NLRP4: variants seen among roughly 807,000 people sequenced by gnomAD.
NLRP4 encodes NACHT, LRR and PYD domains-containing protein 4.
NLRP4 carries 44 observed loss-of-function variants against 84.7 expected under a neutral mutation model. That is an observed-to-expected ratio of 0.52 (90% CI 0.41 to 0.67). The LOEUF is 0.67. Ranked by LOEUF, NLRP4 falls within the 30% of genes least tolerant of loss-of-function variation. The pLI is 0.00. For synonymous variants in NLRP4, 544 were observed against 476.4 expected, an observed-to-expected ratio of 1.14 and a Z score of -1.85; for missense variants, 1,260 against 1,219.4, an observed-to-expected ratio of 1.03 and a Z score of -0.50.
intron 7 of NLRP4, 41 bp from the exon 8 acceptor site, chr19:55,876,955 G>A (rs1462625728): frequency 4.5e-6 from 7 of 1,542,724 alleles, no homozygotes; most frequent in Non-Finnish European, 6.2e-6. Flanking sequence ...TTAGACTGAG[G>A]TGTAATAGCC....
At chr19:55,850,003 TG>T (rs1568658359) in intron 1 of NLRP4, among the ~76,000 whole-genome samples, 50 of 37,016 alleles carry the variant, frequency 1.4e-3, no homozygotes, top group Non-Finnish European at 3.2e-3. Context: ...GACTGCGGTG[TG>T]ATTTCCGAGA....
At position 55,850,947 on chromosome 19, in the gene NLRP4, G is replaced by T. The variant is rs1250129660; in HGVS notation, c.-65-1069G>T. 1.3e-4 allele frequency among the ~76,000 whole-genome samples: 11 copies of T among 81,790 alleles called. No homozygotes were observed. In the South Asian group the frequency reaches 2.5e-3, roughly 19 times the overall value. 53.7% of individuals were successfully genotyped at this position (81,790 alleles called of 152,430 possible). ...GTAATGTCCGTGGCTGCGGTGTAAT[G>T]TCCGAGGCTGCGGTGTAATGTCCGT... On this transcript the variant is annotated intron_variant, in intron 1 of 9. Transcript: ENST00000301295.
At chr19:55,841,753 T>C (rs1183132514) in intron 1 of NLRP4, among the ~76,000 whole-genome samples, 2 of 152,038 alleles carry the variant, frequency 1.3e-5, no homozygotes, top group Non-Finnish European at 2.9e-5. Context: ...TAGTACCAGA[T>C]ACTTGGGAAG....
intron 1 of NLRP4, among the ~76,000 whole-genome samples, chr19:55,851,613 TGGCTGCGGTGTAATGTCCGA>T (rs1270790654): frequency 0.044 from 2,426 of 54,754 alleles, 26 homozygotes; most frequent in Admixed American, 0.055. Flanking sequence ...GTAATGTCCG[TGGCTGCGGTGTAATGTCCGA>T]GGCTGCGGTG....
At chr19:55,859,926 CAAAAAAA>C (rs1166037425) in intron 3 of NLRP4, among the ~76,000 whole-genome samples, 37 of 17,498 alleles carry the variant, frequency 2.1e-3, no homozygotes, top group Non-Finnish European at 2.9e-3. Context: ...CTCTCATCTC[CAAAAAAA>C]AAAAAAAAAA....
Position 55,849,184 on chromosome 19 carries a change from C to T in NLRP4, c.-65-2832C>T, listed in dbSNP as rs562238477. ...ATCTAAGCTACTTGGAATTCTTCTTCTTGCTAAAGTTGTTACAGTTTTAGC... is the reference window on the plus strand; with the variant it reads ...ATCTAAGCTACTTGGAATTCTTCTTTTTGCTAAAGTTGTTACAGTTTTAGC... On this transcript the variant is annotated intron_variant, in intron 1 of 9. Transcript: ENST00000301295. 1.2e-4 allele frequency among the ~76,000 whole-genome samples: 18 copies of T among 152,256 alleles called. 1 individual carries two copies. The South Asian group carries it at 3.5e-3, about 30-fold the overall frequency.
chr19:55,860,642 G>C lies in NLRP4; in HGVS notation c.1857-744G>C, dbSNP rs181881347. Among the ~76,000 whole-genome samples the C allele has an allele frequency of 2.0e-5, 3 of 152,052 alleles. No homozygotes were observed. In the South Asian group the frequency reaches 6.2e-4, roughly 32 times the overall value. On this transcript the variant is annotated intron_variant, in intron 3 of 9. Coordinates refer to ENST00000301295, the MANE Select transcript of NLRP4 (RefSeq NM_134444.5). ...TTATCCTGTTACAGGTGAGGAAACTGGGGCAAAGAAGTCAAGTGAGCTGGA... is the reference window on the plus strand; with the variant it reads ...TTATCCTGTTACAGGTGAGGAAACTCGGGCAAAGAAGTCAAGTGAGCTGGA...
rs558697955 is a variant in NLRP4 at position 55,881,322 on chromosome 19, G to A, written c.2868-148G>A. The A allele has an allele frequency of 9.4e-5, 50 of 532,584 alleles. 1 individual carries two copies. The highest frequency in any genetic ancestry group is 7.7e-4 in the South Asian group (31 of 40,452). The allele number at this position is 532,584 out of a possible 1,614,324, so 33.0% of individuals were successfully genotyped here. A position where few individuals can be genotyped will look rare whatever the true frequency, so the allele number is the denominator to read the frequency against. ...CAGGGGTAACATTTATCAGCATACC[G>A]CTGCATTTGATGTGTATGTCTTTCC... On this transcript the variant is annotated intron_variant, in intron 9 of 9. Coordinates refer to ENST00000301295, the MANE Select transcript of NLRP4 (RefSeq NM_134444.5).
chr19:55,863,106 C>T (rs1249776180), intron 5 of NLRP4, among the ~76,000 whole-genome samples: 1 of 152,132 alleles, frequency 6.6e-6, no homozygotes, highest in African/African-American at 2.4e-5. Context: ...GGATAAGAAA[C>T]CTGTGGTTAC....
intron 5 of NLRP4, among the ~76,000 whole-genome samples, chr19:55,865,601 T>C (rs1422575372): frequency 6.6e-6 from 1 of 152,212 alleles, no homozygotes; most frequent in Non-Finnish European, 1.5e-5. Flanking sequence ...AGTGTACACT[T>C]TTCTCTGCAA....
intron 7 of NLRP4, among the ~76,000 whole-genome samples, chr19:55,876,664 A>G (rs761247862): frequency 6.6e-6 from 1 of 152,126 alleles, no homozygotes; most frequent in Non-Finnish European, 1.5e-5. Context: ...CATCTGGCCT[A>G]TATAGTGTTT....
At chr19:55,879,032 G>A (rs1320425059) in intron 9 of NLRP4, 68 bp downstream of exon 9, 7 of 1,244,144 alleles carry the variant, frequency 5.6e-6, no homozygotes, top group African/African-American at 1.5e-5. Context: ...GCTGGGACCT[G>A]CAGTGTAATC....
At chr19:55,848,825 C>T (rs141552302) in intron 1 of NLRP4, among the ~76,000 whole-genome samples, 11 of 152,084 alleles carry the variant, frequency 7.2e-5, no homozygotes, top group South Asian at 4.2e-4. Flanking sequence ...GGGAGGGACC[C>T]GGTGGGAGAT....
Position 55,842,961 on chromosome 19 carries a change from G to A in NLRP4, c.-66+6027G>A, listed in dbSNP as rs57309041. Among the ~76,000 whole-genome samples the A allele has an allele frequency of 3.0e-3, 451 of 151,126 alleles. 4 individuals are homozygous for A. Among genetic ancestry groups the A allele is most frequent in the East Asian group, 0.017 (88 of 5,158 alleles). ...TATTTAGTAGAGATGGGGTTTCACC[G>A]TGTTAGCCAGGATGGTCTTGATCTC... On this transcript the variant is annotated intron_variant, in intron 1 of 9. Transcript: ENST00000301295.
Position 55,850,832 on chromosome 19 carries a change from A to T in NLRP4, c.-65-1184A>T, listed in dbSNP as rs375050904. ...TTCCGAGGCTGCGGTGTAATGTCCG[A>T]GGCTGCGGTGTAATTTACGAGGCTG... On this transcript the variant is annotated intron_variant, in intron 1 of 9. Transcript: ENST00000301295. Among the ~76,000 whole-genome samples, 40 of 66,464 alleles carry T rather than the reference A, an allele frequency of 6.0e-4. 1 individual carries two copies. The highest frequency in any genetic ancestry group is 9.7e-4 in the African/African-American group (6 of 6,178). 43.6% of individuals were successfully genotyped at this position (66,464 alleles called of 152,430 possible).
At chr19:55,851,404 A>T (rs1308994043) in intron 1 of NLRP4, among the ~76,000 whole-genome samples, 6 of 65,220 alleles carry the variant, frequency 9.2e-5, no homozygotes, top group African/African-American at 3.6e-4. Flanking sequence ...GCTGCGGTGT[A>T]ATTTACGAGG....
chr19:55,865,875 G>A (rs549720495), intron 5 of NLRP4, among the ~76,000 whole-genome samples: 17 of 152,174 alleles, frequency 1.1e-4, no homozygotes, highest in East Asian at 1.9e-4. Flanking sequence ...GTGAGTTGTC[G>A]TTTCACTTTC....
chr19:55,838,081 G>A lies in NLRP4; in HGVS notation c.-66+1147G>A, dbSNP rs558619691. The stretch of plus-strand genomic sequence containing the variant: ...CACCTATAATCCCAGCACTTTGGGA[G>A]GCCGAGGCGGGTGGATCACCCGAGG... On this transcript the variant is annotated intron_variant, in intron 1 of 9. Coordinates refer to ENST00000301295, the MANE Select transcript of NLRP4 (RefSeq NM_134444.5). Among the ~76,000 whole-genome samples the A allele has an allele frequency of 7.2e-4, 108 of 150,966 alleles. 1 individual carries two copies. Among genetic ancestry groups the A allele is most frequent in the African/African-American group, 2.6e-3 (106 of 40,762 alleles).
chr19:55,879,733 G>T lies in NLRP4; in HGVS notation c.2867+769G>T, dbSNP rs552918097. ...GGATGCTCTTTGTTAGAAAAGAAAT[G>T]ATTTCTTGGGCTGGTTTTTGTTAGA... On this transcript the variant is annotated intron_variant, in intron 9 of 9. Coordinates refer to ENST00000301295, the MANE Select transcript of NLRP4 (RefSeq NM_134444.5). 4.5e-4 allele frequency among the ~76,000 whole-genome samples: 68 copies of T among 152,194 alleles called. 1 individual carries two copies. Among genetic ancestry groups the T allele is most frequent in the Middle Eastern group, 6.8e-3 (2 of 294 alleles).
Sources: gnomAD v4.1 joint callset for allele counts (sites outside exome capture counted in the v4.1 genomes callset) on GRCh38, gnomAD v4.1.1 for gene constraint, MANE v1.5 for transcripts, NCBI Gene and HGNC (gene_info 2026-07-23, HGNC 2026-07-21) for gene names.